The following DLC1 variants were observed in gnomAD, a reference collection of about 807,000 sequenced individuals.
DLC1 encodes the protein DLC1 Rho GTPase activating protein.
A neutral mutation model predicts 140.3 loss-of-function variants in DLC1; 54 were observed. That is an observed-to-expected ratio of 0.38 (90% CI 0.31 to 0.48). DLC1 has a LOEUF of 0.48. DLC1 is among the 20% of genes least tolerant of loss of function. The pLI is 0.96. For missense variants in DLC1, 2,536 were observed against 1,907.0 expected (o/e 1.33, Z -6.14); for synonymous variants, 986 against 728.1 (o/e 1.35, Z -5.70).
At chr8:13,536,737 C>A (rs919089352) in intron 1 of DLC1, among the ~76,000 whole-genome samples, 2 of 152,078 alleles carry the variant, frequency 1.3e-5, no homozygotes, top group Admixed American at 6.6e-5. Context: ...GAACCATTAG[C>A]CAATGGTGTT....
intron 2 of DLC1, among the ~76,000 whole-genome samples, chr8:13,473,537 G>T (rs529696728): frequency 6.6e-6 from 1 of 152,282 alleles, no homozygotes; most frequent in African/African-American, 2.4e-5. Flanking sequence ...ATTTGGAACT[G>T]GGTAACGGGC....
At chr8:13,156,785 A>T (rs1423883598) in intron 5 of DLC1, among the ~76,000 whole-genome samples, 1 of 152,248 alleles carries the variant, frequency 6.6e-6, no homozygotes, top group Non-Finnish European at 1.5e-5. Context: ...GGATCCAGCC[A>T]GCGCCTAATA....
chr8:13,394,164 C>T (rs1250635852), intron 3 of DLC1, among the ~76,000 whole-genome samples: 3 of 152,226 alleles, frequency 2.0e-5, no homozygotes, highest in Non-Finnish European at 4.4e-5. Context: ...TGTTCCTATT[C>T]AACCTCTATG....
intron 5 of DLC1, among the ~76,000 whole-genome samples, chr8:13,201,365 A>G (rs891765611): frequency 4.6e-5 from 7 of 152,240 alleles, no homozygotes; most frequent in African/African-American, 1.7e-4. Context: ...CACATTGTAA[A>G]GATCACTTTG....
chr8:13,506,697 A>C (rs113725117), intron 1 of DLC1, among the ~76,000 whole-genome samples: 4,896 of 151,544 alleles, frequency 0.032, 266 homozygotes, highest in African/African-American at 0.11. Context: ...ACACTTACAT[A>C]AAACAGCTAT....
chr8:13,556,789 C>A (rs1224527086), intron 1 of DLC1, among the ~76,000 whole-genome samples: 1 of 152,176 alleles, frequency 6.6e-6, no homozygotes, highest in South Asian at 2.1e-4. Context: ...AAAGTGGATG[C>A]TGTCAGAGAC....
In DLC1 at chr8:13,083,829, T is replaced by C. The variant is rs572821034; in HGVS notation, c.*1982A>G. The C allele has an allele frequency of 2.0e-4, 31 of 152,762 alleles. No homozygotes were observed. Among genetic ancestry groups the C allele is most frequent in the African/African-American group, 7.0e-4 (29 of 41,568 alleles). The allele number at this position is 152,762 out of a possible 1,614,324, so 9.5% of individuals were successfully genotyped here. A position where few individuals can be genotyped will look rare whatever the true frequency, so the allele number is the denominator to read the frequency against. ...TTCCTTCAGCAAATCGCTCTTTTGA[T>C]TGTAGTTGATGCTAAAATGCTATGC... is the stretch of plus-strand genomic sequence containing the variant. On this transcript the variant is annotated 3_prime_UTR_variant, in exon 18 of 18. Transcript: ENST00000276297.
chr8:13,358,659 C>T (rs968485646), intron 4 of DLC1, among the ~76,000 whole-genome samples: 1 of 150,068 alleles, frequency 6.7e-6, no homozygotes, highest in Non-Finnish European at 1.5e-5. Context: ...CTAGTACCCT[C>T]AAAAATATAA....
chr8:13,139,163 G>A (rs1031322204), intron 5 of DLC1, among the ~76,000 whole-genome samples: 6 of 151,428 alleles, frequency 4.0e-5, no homozygotes, highest in Non-Finnish European at 8.8e-5. Context: ...CATGCTGCTC[G>A]CCTGTGTTCC....
At position 13,424,096 on chromosome 8, in the gene DLC1, C is replaced by T. The variant is rs184516671; in HGVS notation, c.1024-22477G>A. ...GGGTGTTTCCTTATGCTATTGAAAA[C>T]AAAAACACAGCAACAGTGTTCTGGC... On this transcript the variant is annotated intron_variant, in intron 2 of 17. Transcript: ENST00000276297. Among the ~76,000 whole-genome samples, 270 of 152,192 alleles carry T rather than the reference C, an allele frequency of 1.8e-3. 1 individual carries two copies. Among genetic ancestry groups the T allele is most frequent in the African/African-American group, 6.3e-3 (262 of 41,516 alleles).
intron 1 of DLC1, chr8:13,567,590 C>G (rs1427290831): frequency 1.3e-6 from 2 of 1,551,570 alleles, no homozygotes; most frequent in Non-Finnish European, 8.7e-7. Context: ...TATCAGTGTC[C>G]CTATTGTAAC....
chr8:13,465,555 AT>A (rs1419701632), intron 2 of DLC1, among the ~76,000 whole-genome samples: 1 of 151,708 alleles, frequency 6.6e-6, no homozygotes, highest in Admixed American at 6.6e-5. Flanking sequence ...TAAAATATCC[AT>A]TTTTTTGCCC....
chr8:13,583,584 A>G (rs1014360955), intron 1 of DLC1, among the ~76,000 whole-genome samples: 26 of 152,238 alleles, frequency 1.7e-4, no homozygotes, highest in Admixed American at 8.5e-4. Context: ...AAAATGCAAT[A>G]TAAGTTAGGC....
At chr8:13,121,318 G>T (rs1821041064) in intron 5 of DLC1, among the ~76,000 whole-genome samples, 1 of 152,156 alleles carries the variant, frequency 6.6e-6, no homozygotes, top group Non-Finnish European at 1.5e-5. Context: ...CTTCAAATGG[G>T]AAGGAAGATA....
intron 2 of DLC1, among the ~76,000 whole-genome samples, chr8:13,409,048 C>T (rs1301719917): frequency 6.6e-6 from 1 of 151,828 alleles, no homozygotes; most frequent in Non-Finnish European, 1.5e-5. Flanking sequence ...GACCTGACTT[C>T]TGTCTACTTT....
chr8:13,371,091 A>G (rs1020947209), intron 4 of DLC1, among the ~76,000 whole-genome samples: 1 of 152,216 alleles, frequency 6.6e-6, no homozygotes, highest in African/African-American at 2.4e-5. Flanking sequence ...TGACAAAGGT[A>G]AGCACCATCA....
intron 2 of DLC1, among the ~76,000 whole-genome samples, chr8:13,413,091 C>T (rs1837863949): frequency 2.0e-5 from 3 of 151,846 alleles, no homozygotes; most frequent in Admixed American, 6.6e-5. Context: ...GTACTTGGGA[C>T]CCTGCTACTG....
chr8:13,432,602 GGA>G (rs1431717395), intron 2 of DLC1, among the ~76,000 whole-genome samples: 9 of 152,302 alleles, frequency 5.9e-5, no homozygotes, highest in African/African-American at 2.2e-4. Context: ...TTACACCCAT[GGA>G]GGCTGGAAAA....
Position 13,527,865 on chromosome 8 carries a change from A to T in DLC1, c.-125-27669T>A, listed in dbSNP as rs187146040. Among the ~76,000 whole-genome samples the T allele has an allele frequency of 3.8e-4, 58 of 152,268 alleles. 1 individual carries two copies. The East Asian group carries it at 7.3e-3, about 19-fold the overall frequency. On this transcript the variant is annotated intron_variant, in intron 1 of 1. Coordinates refer to the DLC1 transcript ENST00000631382. Reference sequence around the variant, plus strand: ...TAATGGATGCTCACTAAGCAAACTTATATTTTCTTGGAATAGAGGTCTCCT... The same window carrying T: ...TAATGGATGCTCACTAAGCAAACTTTTATTTTCTTGGAATAGAGGTCTCCT...
Sources: gnomAD v4.1 joint callset for allele counts (sites outside exome capture counted in the v4.1 genomes callset) on GRCh38, gnomAD v4.1.1 for gene constraint, MANE v1.5 for transcripts, NCBI Gene and HGNC (gene_info 2026-07-23, HGNC 2026-07-21) for gene names.